Variants in WNK4 observed in about 807,000 individuals in gnomAD.
WNK4 encodes the protein serine/threonine-protein kinase WNK4.
WNK4 carries 94 observed loss-of-function variants against 116.2 expected under a neutral mutation model. The observed-to-expected ratio is 0.81, with a 90% confidence interval of 0.68 to 0.96. WNK4 has a LOEUF of 0.96. Ranked by LOEUF, WNK4 falls within the 40% of genes least tolerant of loss-of-function variation. The pLI is 0.00. For synonymous variants in WNK4, 655 were observed against 672.7 expected (o/e 0.97, Z 0.41); for missense variants, 1,542 against 1,650.6 (o/e 0.93, Z 1.14).
chr17:42,788,517 T>A (rs2054576944), intron 10 of WNK4, 110 bp downstream of exon 10: 1 of 1,241,612 alleles, frequency 8.1e-7, no homozygotes, highest in Non-Finnish European at 1.2e-6. Flanking sequence ...GTATGACTAG[T>A]ACTCAAGAGG....
In WNK4 at chr17:42,788,746, C is replaced by T. The variant is rs766539442; in HGVS notation, c.2106C>T (p.Thr702=). 2 of 1,614,098 alleles carry T rather than the reference C, an allele frequency of 1.2e-6. No homozygotes were observed. The highest frequency in any genetic ancestry group is 1.1e-5 in the South Asian group (1 of 91,078). The change falls in exon 11 of 19, where the codon ACC becomes ACT. Residue 702 remains threonine, a synonymous_variant. Transcript: ENST00000246914. ...AGACCCATAACAGCAAGATGGTGACCTTCCGATTTGATCTGGATGGGGACA... is the reference window on the plus strand; with the variant it reads ...AGACCCATAACAGCAAGATGGTGACTTTCCGATTTGATCTGGATGGGGACA... The part of the protein sequence containing the change: ...QLQTHNSKMV[T]FRFDLDGDSP...
Position 42,780,897 on chromosome 17 carries a change from T to G in WNK4, c.199T>G (p.Leu67Val). 6.2e-7 allele frequency: 1 copy of G among 1,606,972 alleles called. No individual in the cohort carries two copies. Residue 67 changes from leucine to valine, a missense_variant, in exon 1 of 19, where the codon TTG becomes GTG. This residue lies in a region of WNK4 where 243 missense variants were observed against 217.8 expected (regional missense o/e 1.12). Transcript: ENST00000246914. ...SRLSRRSSVD[L>V]GLLSSWSLPA... ...TCTCAGCCGCCGTAGCTCAGTCGAC[T>G]TGGGGCTGCTGAGCTCTTGGTCCCT...
rs896807778 is a variant in WNK4 at position 42,788,619 on chromosome 17, T to A, written c.2041-62T>A. ...CTGCTGTCACTTGGCTGGGGTAGGG[T>A]GGAGACACAGCATGATGAAGAGGGC... On this transcript the variant is annotated intron_variant, in intron 10 of 18. Coordinates refer to ENST00000246914, the MANE Select transcript of WNK4 (RefSeq NM_032387.5). 11 of 1,398,068 alleles carry A rather than the reference T, an allele frequency of 7.9e-6. No homozygotes were observed. In the Admixed American group the frequency reaches 1.7e-4, roughly 21 times the overall value. 86.6% of individuals were successfully genotyped at this position (1,398,068 alleles called of 1,614,324 possible).
Position 42,794,856 on chromosome 17 carries a change from C to G in WNK4, c.2435C>G (p.Ser812Cys), listed in dbSNP as rs1473225286. ...TSSSSPGTPLSPGNPFSPGTP... is the reference protein window; with the variant it reads ...TSSSSPGTPLCPGNPFSPGTP... ...TCATCTTCTCCTGGAACTCCTTTGT[C>G]TCCTGGAAACCCATTTTCCCCTGGA... Residue 812 changes from serine (S) to cysteine (C), a missense_variant, in exon 14 of 19, where the codon TCT (serine) becomes TGT (cysteine). Ser to Cys is a moderately radical substitution (Grantham distance 112, BLOSUM62 -1). Around this residue, in one of 7 missense-constraint regions of WNK4, gnomAD observed 808 missense variants for 873.6 expected, o/e 0.92. Transcript: ENST00000246914. The G allele has an allele frequency of 1.2e-6, 2 of 1,613,928 alleles. No homozygotes were observed. Among genetic ancestry groups the G allele is most frequent in the Non-Finnish European group, 1.7e-6 (2 of 1,179,960 alleles).
intron 11 of WNK4, among the ~76,000 whole-genome samples, chr17:42,793,323 G>A (rs888873054): frequency 2.6e-5 from 4 of 152,052 alleles, no homozygotes; most frequent in Non-Finnish European, 4.4e-5. Context: ...TGATTCTCCC[G>A]TCTTAGCCTC....
In WNK4 at chr17:42,787,504, C is replaced by T; in HGVS notation, c.1703C>T (p.Pro568Leu). 1 of 1,571,726 alleles carries T rather than the reference C, an allele frequency of 6.4e-7. No homozygotes were observed. Among genetic ancestry groups the T allele is most frequent in the Non-Finnish European group, 8.7e-7 (1 of 1,154,356 alleles). Residue 568 changes from proline (P) to leucine (L), a missense_variant, in exon 7 of 19, where the codon CCC becomes CTC. Physicochemically the swap from Pro to Leu is moderately conservative, Grantham distance 98 (BLOSUM62 -3). Coordinates refer to ENST00000246914, the MANE Select transcript of WNK4 (RefSeq NM_032387.5). ...GAGCCAGAGGCAGACCAGCACCAGC[C>T]CTTCCTTTTCCGCCACGCCAGCTAC... ...PEEPEADQHQ[P>L]FLFRHASYSS...
chr17:42,794,555 A>G, intron 12 of WNK4, 59 bp from the exon 13 acceptor site: 1 of 1,600,644 alleles, frequency 6.2e-7, no homozygotes, highest in Middle Eastern at 1.9e-4. Flanking sequence ...CCGGTCTGAC[A>G]CCTTCCATCT....
chr17:42,782,946 G>T lies in WNK4; in HGVS notation c.791+16G>T. ...CGCTCAAGACGTGAGCTCTGCGCAT[G>T]AGTGGGTGGGGAGAGGGAGGCTGGG... is the stretch of plus-strand genomic sequence containing the variant. On this transcript the variant is annotated intron_variant, in intron 2 of 18. Transcript: ENST00000246914. The surrounding 1 kb of genome is among the most constrained non-coding windows in gnomAD (Gnocchi z 4.2). The T allele has an allele frequency of 6.2e-7, 1 of 1,613,300 alleles. No individual in the cohort carries two copies. Among genetic ancestry groups the T allele is most frequent in the South Asian group, 1.1e-5 (1 of 90,934 alleles).
Position 42,781,112 on chromosome 17 carries a change from G to A in WNK4, c.414G>A (p.Glu138=). Residue 138 remains glutamate (E), a synonymous_variant, in exon 1 of 19, where the codon GAG becomes GAA. Coordinates refer to ENST00000246914, the MANE Select transcript of WNK4 (RefSeq NM_032387.5). The stretch of plus-strand genomic sequence containing the variant: ...CTGCAGTGGGCCCGGGGTCCAGGGA[G>A]CCGCTAAGGGTCCCTGAAGCTGTGG... The part of the protein sequence containing the change: ...PDSAVGPGSR[E]PLRVPEAVAL... 1 of 1,613,858 alleles carries A rather than the reference G, an allele frequency of 6.2e-7. No individual in the cohort carries two copies. Among genetic ancestry groups the A allele is most frequent in the Non-Finnish European group, 8.5e-7 (1 of 1,179,906 alleles).
intron 11 of WNK4, 112 bp from the exon 12 acceptor site, chr17:42,793,480 G>C: frequency 1.4e-6 from 2 of 1,463,626 alleles, no homozygotes. Flanking sequence ...AAAGTGCTAG[G>C]ATTACAGGCG....
In WNK4 at chr17:42,787,389, T is replaced by C; in HGVS notation, c.1588T>C (p.Leu530=). 6.2e-7 allele frequency: 1 copy of C among 1,614,118 alleles called. No individual in the cohort carries two copies. Among genetic ancestry groups the C allele is most frequent in the Non-Finnish European group, 8.5e-7 (1 of 1,180,014 alleles). Reference sequence around the variant, plus strand: ...TGAGAAGCTGCGTAAAGCAAGGGAATTGGAGGCACTCCCACCAGAGCCAGG... The same window carrying C: ...TGAGAAGCTGCGTAAAGCAAGGGAACTGGAGGCACTCCCACCAGAGCCAGG... ...KREKLRKARE[L]EALPPEPGPP... The change falls in exon 7 of 19, where the codon TTG becomes CTG. Residue 530 remains leucine (L), a synonymous_variant. Transcript: ENST00000246914.
At chr17:42,793,249 C>G (rs553878697) in intron 11 of WNK4, among the ~76,000 whole-genome samples, 1 of 152,122 alleles carries the variant, frequency 6.6e-6, no homozygotes, top group Non-Finnish European at 1.5e-5. Flanking sequence ...GACGGAGTCT[C>G]GCTCAGTCGT....
In WNK4 at chr17:42,785,132, A is replaced by T; in HGVS notation, c.1206A>T (p.Ile402=). The T allele has an allele frequency of 6.2e-7, 1 of 1,613,932 alleles. No individual in the cohort carries two copies. Among genetic ancestry groups the T allele is most frequent in the Non-Finnish European group, 8.5e-7 (1 of 1,179,946 alleles). The change falls in exon 5 of 19, where the codon ATA becomes ATT. Residue 402 remains isoleucine (I), a synonymous_variant. Transcript: ENST00000246914. The part of the protein sequence containing the change: ...RKPNSFHKVK[I]PEVKEIIEGC... ...CGAACAGCTTCCACAAGGTGAAGAT[A>T]CCCGAGGTGAAGGAGATCATTGAAG...
rs1369236177 is a variant in WNK4, at chr17:42,795,474, C to T, written c.2975C>T (p.Pro992Leu). The change falls in exon 15 of 19, where the codon CCT becomes CTT. Residue 992 changes from proline (P) to leucine (L), a missense_variant. By Grantham distance (98) the Pro-to-Leu change is moderately conservative (BLOSUM62 -3). This residue lies in a region of WNK4 where 292 missense variants were observed against 290.1 expected (regional missense o/e 1.01). Transcript: ENST00000246914. ...CCCACTTTCTAGGCCTCACCACCTC[C>T]TGCTCGGCCCCTCCCAGGGGAAGCC... ...AEVESEASPP[P>L]ARPLPGEARL... 2 of 1,614,256 alleles carry T rather than the reference C, an allele frequency of 1.2e-6. No individual in the cohort carries two copies. The highest frequency in any genetic ancestry group is 2.2e-5 in the East Asian group (1 of 44,886).
chr17:42,782,898 C>T lies in WNK4; in HGVS notation c.759C>T (p.Val253=). 3.1e-6 allele frequency: 5 copies of T among 1,614,144 alleles called. No individual in the cohort carries two copies. Among genetic ancestry groups the T allele is most frequent in the Non-Finnish European group, 4.2e-6 (5 of 1,180,026 alleles). ...GGGGCCAGGTTTGCATCGTGCTGGT[C>T]ACCGAACTCATGACCTCGGGCACGC... The part of the protein sequence containing the change: ...VLRGQVCIVL[V]TELMTSGTLK... The change falls in exon 2 of 19, where the codon GTC becomes GTT. Residue 253 remains valine (V), a synonymous_variant. Coordinates refer to ENST00000246914, the MANE Select transcript of WNK4 (RefSeq NM_032387.5). This position sits in a 1 kb window ranked among gnomAD's most constrained non-coding sequence, Gnocchi z 4.2.
chr17:42,788,941 T>C lies in WNK4; in HGVS notation c.2157+144T>C, dbSNP rs2054581996. On this transcript the variant is annotated intron_variant, in intron 11 of 18. Coordinates refer to ENST00000246914, the MANE Select transcript of WNK4 (RefSeq NM_032387.5). ...ACACTTAGCACAGTAACGCTGAAGA[T>C]GTCTCAGCCCTTGTTTTGGGGGAGA... 3 of 734,766 alleles carry C rather than the reference T, an allele frequency of 4.1e-6. No individual in the cohort carries two copies. In the East Asian group the frequency reaches 7.7e-5, roughly 19 times the overall value. The allele number at this position is 734,766 out of a possible 1,614,324, so 45.5% of individuals were successfully genotyped here. A position where few individuals can be genotyped will look rare whatever the true frequency, so the allele number is the denominator to read the frequency against.
At position 42,780,697 on chromosome 17, in the gene WNK4, T is replaced by A; in HGVS notation, c.-2T>A. On this transcript the variant is annotated 5_prime_UTR_variant, in exon 1 of 19. Coordinates refer to ENST00000246914, the MANE Select transcript of WNK4 (RefSeq NM_032387.5). ...CTACCCTTCGGCGCCCTGCTCTTCC[T>A]CATGTTGGCATCCCCGGCCACGGAG... The A allele has an allele frequency of 6.2e-7, 1 of 1,607,564 alleles. No homozygotes were observed. The highest frequency in any genetic ancestry group is 8.5e-7 in the Non-Finnish European group (1 of 1,179,470).
Position 42,796,021 on chromosome 17 carries a change from G to A in WNK4, c.3419G>A (p.Ser1140Asn). The A allele has an allele frequency of 6.2e-7, 1 of 1,613,942 alleles. No individual in the cohort carries two copies. The highest frequency in any genetic ancestry group is 2.2e-5 in the East Asian group (1 of 44,882). ...EDEEFWAELQSLRQKHLSEVE... is the reference protein window; with the variant it reads ...EDEEFWAELQNLRQKHLSEVE... ...GAGGAGTTCTGGGCTGAGCTGCAGA[G>A]TCTTCGGCAGAAGTGAGTCTCGGGA... The change falls in exon 16 of 19, where the codon AGT (serine) becomes AAT (asparagine). Residue 1140 changes from serine to asparagine, a missense_variant. Physicochemically the swap from Ser to Asn is conservative, Grantham distance 46 (BLOSUM62 1). Transcript: ENST00000246914.
In WNK4 at chr17:42,781,020, G is replaced by A; in HGVS notation, c.322G>A (p.Gly108Ser). 6.2e-7 allele frequency: 1 copy of A among 1,610,512 alleles called. No homozygotes were observed. Among genetic ancestry groups the A allele is most frequent in the South Asian group, 1.1e-5 (1 of 91,006 alleles). The change falls in exon 1 of 19, where the codon GGC becomes AGC. Residue 108 changes from glycine to serine, a missense_variant. Coordinates refer to ENST00000246914, the MANE Select transcript of WNK4 (RefSeq NM_032387.5). Reference protein sequence around the residue: ...PPPSSKEPPEGTWTEGAPVKA... With the variant: ...PPPSSKEPPESTWTEGAPVKA... Reference sequence around the variant, plus strand: ...GCCTAGCTCCAAAGAACCCCCCGAGGGCACGTGGACCGAGGGAGCCCCTGT... The same window carrying A: ...GCCTAGCTCCAAAGAACCCCCCGAGAGCACGTGGACCGAGGGAGCCCCTGT...
Sources: allele counts gnomAD v4.1 joint callset (sites outside exome capture counted in the v4.1 genomes callset), GRCh38; gene constraint gnomAD v4.1.1; regional missense constraint gnomAD v4.1.1; non-coding constraint Gnocchi (gnomAD v3.1); transcripts MANE v1.5; gene names NCBI Gene and HGNC (gene_info 2026-07-23, HGNC 2026-07-21).